PARD3B: variants seen among roughly 807,000 people sequenced by gnomAD.
PARD3B encodes par-3 family cell polarity regulator beta.
PARD3B carries 103 observed loss-of-function variants against 130.2 expected under a neutral mutation model. The ratio of observed to expected loss-of-function variants is 0.79; its 90% CI spans 0.67 to 0.93. The LOEUF is 0.93. Ranked by LOEUF, PARD3B falls within the 40% of genes least tolerant of loss-of-function variation. The pLI, the probability that PARD3B is intolerant of heterozygous loss-of-function variation, is 0.00. For synonymous variants in PARD3B, 583 were observed against 553.2 expected (o/e 1.05, Z -0.76); for missense variants, 1,609 against 1,499.2 (o/e 1.07, Z -1.21).
At chr2:204,765,151 G>GTCAGTACATTTGTT (rs757881935) in intron 2 of PARD3B, among the ~76,000 whole-genome samples, 23 of 152,266 alleles carry the variant, frequency 1.5e-4, no homozygotes, top group Non-Finnish European at 1.0e-4. Flanking sequence ...TAAAACAGAG[G>GTCAGTACATTTGTT]TCAGTACATT....
rs1691377577 is a variant in PARD3B, at chr2:204,967,796, G to T, written c.394+2473G>T. On this transcript the variant is annotated intron_variant, in intron 3 of 22. Transcript: ENST00000406610. This position sits in a 1 kb window ranked among gnomAD's most constrained non-coding sequence, Gnocchi z 4.4. The stretch of plus-strand genomic sequence containing the variant: ...GGGGCAGGATGTGGCCATAGGCTGT[G>T]CACCTCCAGATGGAGAGATGTGGTT... Among the ~76,000 whole-genome samples, 1 of 152,204 alleles carries T rather than the reference G, an allele frequency of 6.6e-6. No individual in the cohort carries two copies. Among genetic ancestry groups the T allele is most frequent in the Non-Finnish European group, 1.5e-5 (1 of 68,040 alleles).
intron 2 of PARD3B, among the ~76,000 whole-genome samples, chr2:204,929,098 CT>C (rs5837942): frequency 0.01 from 1,549 of 148,418 alleles, 21 homozygotes; most frequent in African/African-American, 0.033. Context: ...AACCAGAATA[CT>C]TTTTTTTTTT....
intron 19 of PARD3B, among the ~76,000 whole-genome samples, chr2:205,429,937 G>T (rs1363390260): frequency 1.3e-5 from 2 of 152,126 alleles, no homozygotes; most frequent in Non-Finnish European, 2.9e-5. Context: ...TAGACACATG[G>T]CTCCAATTTC....
In PARD3B at chr2:205,157,614, G is replaced by C. The variant is rs545869320; in HGVS notation, c.1435-1108G>C. ...TATAGTTATATGTGACTGACATTCA[G>C]ACATTCATAGTAATTTTTTAAATAT... On this transcript the variant is annotated intron_variant, in intron 10 of 22. Transcript: ENST00000406610. Among the ~76,000 whole-genome samples, 4 of 152,062 alleles carry C rather than the reference G, an allele frequency of 2.6e-5. No homozygotes were observed. In the South Asian group the frequency reaches 8.3e-4, roughly 32 times the overall value.
chr2:205,029,428 T>C (rs1350871762), intron 3 of PARD3B, among the ~76,000 whole-genome samples: 2 of 152,166 alleles, frequency 1.3e-5, no homozygotes, highest in African/African-American at 4.8e-5. Flanking sequence ...CTTGGAGTTC[T>C]TTGGAGGGAG....
chr2:204,764,405 G>C (rs1224293216), intron 2 of PARD3B, among the ~76,000 whole-genome samples: 1 of 152,116 alleles, frequency 6.6e-6, no homozygotes, highest in Non-Finnish European at 1.5e-5. Flanking sequence ...GTGGCAGTGG[G>C]CATGTCTTAA....
intron 2 of PARD3B, among the ~76,000 whole-genome samples, chr2:204,761,509 C>G (rs1043993495): frequency 2.7e-5 from 4 of 150,538 alleles, no homozygotes; most frequent in African/African-American, 9.8e-5. Flanking sequence ...GTGGCCACTT[C>G]TGGGTTGGCT....
chr2:205,037,136 G>A (rs1019891443), intron 3 of PARD3B, among the ~76,000 whole-genome samples: 12 of 140,068 alleles, frequency 8.6e-5, no homozygotes, highest in Non-Finnish European at 1.8e-4. Flanking sequence ...CATATATAGC[G>A]GACTGTATAT....
intron 2 of PARD3B, among the ~76,000 whole-genome samples, chr2:204,773,067 G>A (rs955375975): frequency 8.6e-5 from 13 of 151,990 alleles, no homozygotes; most frequent in African/African-American, 3.1e-4. Context: ...TAATTGATAT[G>A]GGTAGATTTA....
At chr2:204,918,815 G>A (rs911340465) in intron 2 of PARD3B, among the ~76,000 whole-genome samples, 4 of 151,728 alleles carry the variant, frequency 2.6e-5, no homozygotes, top group African/African-American at 7.3e-5. Context: ...GTAATGTTTA[G>A]CCATTGCCCA....
At chr2:205,435,671 C>T (rs575831671) in intron 19 of PARD3B, among the ~76,000 whole-genome samples, 1 of 151,906 alleles carries the variant, frequency 6.6e-6, no homozygotes, top group Non-Finnish European at 1.5e-5. Context: ...CTACTGATGC[C>T]TGCTTTATAA....
intron 1 of PARD3B, among the ~76,000 whole-genome samples, chr2:204,602,425 TA>T (rs1404485528): frequency 6.6e-6 from 1 of 151,280 alleles, no homozygotes; most frequent in Admixed American, 6.6e-5. Context: ...AGACACAGTT[TA>T]AAAAAAATAA....
At chr2:204,706,368 AAAAAAAAAAAAG>A (rs1410408082) in intron 2 of PARD3B, among the ~76,000 whole-genome samples, 1 of 143,128 alleles carries the variant, frequency 7.0e-6, no homozygotes, top group African/African-American at 2.8e-5. Flanking sequence ...CTCTGTCTCA[AAAAAAAAAAAAG>A]AAAAAGAAAA....
At chr2:205,333,480 T>A (rs972601402) in intron 18 of PARD3B, among the ~76,000 whole-genome samples, 1 of 152,320 alleles carries the variant, frequency 6.6e-6, no homozygotes, top group African/African-American at 2.4e-5. Context: ...TGACTCACAT[T>A]ATAGAACATA....
At chr2:205,565,165 TC>T (rs911804754) in intron 22 of PARD3B, among the ~76,000 whole-genome samples, 1 of 152,134 alleles carries the variant, frequency 6.6e-6, no homozygotes, top group African/African-American at 2.4e-5. Context: ...CAGACCCTTT[TC>T]CAGAAATGAT....
At chr2:204,846,131 G>A (rs932155150) in intron 2 of PARD3B, among the ~76,000 whole-genome samples, 3 of 152,074 alleles carry the variant, frequency 2.0e-5, no homozygotes, top group African/African-American at 7.2e-5. Context: ...AGGAAAGGAA[G>A]GGCAAACATT....
chr2:204,891,454 A>G lies in PARD3B; in HGVS notation c.223-73698A>G, dbSNP rs561587985. Among the ~76,000 whole-genome samples, 79 of 152,222 alleles carry G rather than the reference A, an allele frequency of 5.2e-4. 1 individual carries two copies. The South Asian group carries it at 0.016, about 30-fold the overall frequency. On this transcript the variant is annotated intron_variant, in intron 2 of 22. Coordinates refer to ENST00000406610, the MANE Select transcript of PARD3B (RefSeq NM_001302769.2). Reference sequence around the variant, plus strand: ...AGACGGCAACCGCAGCAGATTTTAGAGCTCGATGATTTATTTTATGCCAAG... The same window carrying G: ...AGACGGCAACCGCAGCAGATTTTAGGGCTCGATGATTTATTTTATGCCAAG...
chr2:205,029,901 A>G (rs1411854145), intron 3 of PARD3B, among the ~76,000 whole-genome samples: 1 of 152,140 alleles, frequency 6.6e-6, no homozygotes, highest in Non-Finnish European at 1.5e-5. Flanking sequence ...TCCCAAACCA[A>G]TAGGGAGTTG....
At chr2:204,580,593 G>A (rs1022895575) in intron 1 of PARD3B, among the ~76,000 whole-genome samples, 3 of 152,188 alleles carry the variant, frequency 2.0e-5, no homozygotes, top group Admixed American at 6.5e-5. Context: ...CCACCTGGGC[G>A]AGGGAGCATT....
Sources: gnomAD v4.1 joint callset for allele counts (sites outside exome capture counted in the v4.1 genomes callset) on GRCh38, gnomAD v4.1.1 for gene constraint, Gnocchi (gnomAD v3.1) non-coding constraint, MANE v1.5 for transcripts, NCBI Gene and HGNC (gene_info 2026-07-23, HGNC 2026-07-21) for gene names.